LRBA: variants seen among roughly 807,000 people sequenced by gnomAD.
LRBA encodes lipopolysaccharide-responsive and beige-like anchor protein.
A neutral mutation model predicts 330.0 loss-of-function variants in LRBA; 176 were observed. The ratio of observed to expected loss-of-function variants is 0.53; its 90% confidence interval spans 0.47 to 0.60. LRBA has a LOEUF of 0.60. LRBA is among the 20% of genes least tolerant of loss of function. The probability of loss-of-function intolerance (pLI) is 0.00; values close to 1 mark genes in which losing one functional copy is unlikely to be tolerated. For synonymous variants in LRBA, 1,230 were observed against 1,193.0 expected (o/e 1.03, Z -0.64); for missense variants, 3,259 against 3,444.8 (o/e 0.95, Z 1.35).
In LRBA at chr4:150,377,977, A is replaced by AAT. The variant is rs1029468094; in HGVS notation, c.7195-27819_7195-27818insAT. ...CAGAGTGAGACTCTGTCTCAAAAAA[A>AAT]AAAAAAAAATGCCTTGTCCTTGTTG... On this transcript the variant is annotated intron_variant, in intron 47 of 56. Transcript: ENST00000651943. Among the ~76,000 whole-genome samples, 6 of 151,368 alleles carry AAT rather than the reference A, an allele frequency of 4.0e-5. No homozygotes were observed. The East Asian group carries it at 1.2e-3, about 30-fold the overall frequency.
chr4:150,836,295 A>T (rs527865878), intron 28 of LRBA, among the ~76,000 whole-genome samples: 2,170 of 152,214 alleles, frequency 0.014, 54 homozygotes, highest in African/African-American at 0.048. Context: ...GGCTTTGGTA[A>T]CAGGATGATG....
chr4:150,380,928 G>GCC (rs1433275357), intron 47 of LRBA, among the ~76,000 whole-genome samples: 1 of 141,796 alleles, frequency 7.1e-6, no homozygotes, highest in Non-Finnish European at 1.5e-5. Flanking sequence ...GTTGCAGTGA[G>GCC]CCAAGATTGC....
intron 47 of LRBA, among the ~76,000 whole-genome samples, chr4:150,360,870 C>A (rs549121152): frequency 2.0e-5 from 3 of 152,150 alleles, no homozygotes; most frequent in Non-Finnish European, 2.9e-5. Flanking sequence ...GTGGCAGCAT[C>A]TGAAAGACGG....
At chr4:151,004,538 CATTTAAT>C (rs1262898202) in intron 2 of LRBA, among the ~76,000 whole-genome samples, 1 of 152,152 alleles carries the variant, frequency 6.6e-6, no homozygotes, top group African/African-American at 2.4e-5. Flanking sequence ...TGAAATTTTA[CATTTAAT>C]ATTCTCAGAC....
At chr4:150,656,246 T>A (rs1780176323) in intron 37 of LRBA, among the ~76,000 whole-genome samples, 1 of 152,240 alleles carries the variant, frequency 6.6e-6, no homozygotes, top group Admixed American at 6.5e-5. Flanking sequence ...GTGAAAGGTC[T>A]AATTTTCATA....
chr4:150,322,983 T>C (rs1732728198), intron 49 of LRBA, among the ~76,000 whole-genome samples: 1 of 52,826 alleles, frequency 1.9e-5, no homozygotes, highest in Non-Finnish European at 5.2e-5. Context: ...TCTGCTATAT[T>C]TGTGTGTGTC....
chr4:150,581,822 A>G (rs1465358304), intron 40 of LRBA: 1 of 152,692 alleles, frequency 6.5e-6, no homozygotes, highest in Non-Finnish European at 1.5e-5. Flanking sequence ...CGGATTGGCT[A>G]AAGCACTGAC....
chr4:150,588,241 A>G (rs1369628059), intron 39 of LRBA, 57 bp from the exon 40 acceptor site: 1 of 1,526,330 alleles, frequency 6.6e-7, no homozygotes, highest in Non-Finnish European at 8.8e-7. Context: ...CAAAAAATCA[A>G]ATTCGACCAG....
chr4:150,791,754 C>T (rs1270480024), intron 34 of LRBA, among the ~76,000 whole-genome samples: 2 of 152,052 alleles, frequency 1.3e-5, no homozygotes, highest in Admixed American at 6.6e-5. Flanking sequence ...CTTGGCCGGG[C>T]GCGGTGGCTC....
chr4:150,816,147 G>A (rs561624690), intron 31 of LRBA, among the ~76,000 whole-genome samples: 19 of 151,982 alleles, frequency 1.3e-4, no homozygotes, highest in South Asian at 8.3e-4. Flanking sequence ...AATAAAGGTG[G>A]AACAGCAGAA....
chr4:150,567,615 T>C lies in LRBA; in HGVS notation c.6330+20433A>G, dbSNP rs531357381. Among the ~76,000 whole-genome samples the C allele has an allele frequency of 1.2e-4, 18 of 152,274 alleles. No homozygotes were observed. The South Asian group carries it at 2.3e-3, about 19-fold the overall frequency. Reference sequence around the variant, plus strand: ...TAGAATATAAGTCATTATAGATTTGTTGAGAGGATTATGACAATTAAAGTG... The same window carrying C: ...TAGAATATAAGTCATTATAGATTTGCTGAGAGGATTATGACAATTAAAGTG... On this transcript the variant is annotated intron_variant, in intron 40 of 56. Transcript: ENST00000651943.
intron 8 of LRBA, 24 bp from the exon 9 acceptor site, chr4:150,914,365 A>G (rs1560999065): frequency 6.8e-7 from 1 of 1,474,356 alleles, no homozygotes; most frequent in Non-Finnish European, 9.0e-7. Flanking sequence ...AAAAAAAGGA[A>G]TTAGGAAAAA....
At chr4:150,525,245 G>A (rs914866024) in intron 40 of LRBA, among the ~76,000 whole-genome samples, 5 of 151,520 alleles carry the variant, frequency 3.3e-5, no homozygotes, top group Non-Finnish European at 7.4e-5. Context: ...ATTATTTTAT[G>A]CTGTTCCTAT....
chr4:150,537,154 T>C (rs1229229575), intron 40 of LRBA, among the ~76,000 whole-genome samples: 10 of 152,076 alleles, frequency 6.6e-5, no homozygotes, highest in Admixed American at 5.9e-4. Flanking sequence ...TGGAACAGAA[T>C]AGACAATTCA....
At chr4:150,351,504 AC>A (rs1274602835) in intron 47 of LRBA, among the ~76,000 whole-genome samples, 1 of 152,122 alleles carries the variant, frequency 6.6e-6, no homozygotes, top group Non-Finnish European at 1.5e-5. Context: ...CCTGGCTAAC[AC>A]AGTGAAACCC....
rs767203510 is a variant in LRBA, at chr4:150,852,217, TTTC to T, written c.3490_3492del (p.Glu1164del). 6.2e-7 allele frequency: 1 copy of T among 1,614,132 alleles called. No individual in the cohort carries two copies. The highest frequency in any genetic ancestry group is 8.5e-7 in the Non-Finnish European group (1 of 1,180,006). On this transcript the variant is annotated inframe_deletion, in exon 23 of 57. Transcript: ENST00000651943. Reference sequence around the variant, plus strand: ...TCTTGAGTTTCAGTATCAGTTTGCTTTTCAGTAACAGGTTTTCCTTCTTGAAAT... The same window carrying T: ...TCTTGAGTTTCAGTATCAGTTTGCTTAGTAACAGGTTTTCCTTCTTGAAAT...
At chr4:150,350,368 G>C (rs1424787193) in intron 47 of LRBA, among the ~76,000 whole-genome samples, 1 of 152,154 alleles carries the variant, frequency 6.6e-6, no homozygotes, top group Non-Finnish European at 1.5e-5. Flanking sequence ...TCAGGAGTTT[G>C]AGACCAGCTT....
At chr4:150,892,800 G>C (rs1341235165) in intron 17 of LRBA, among the ~76,000 whole-genome samples, 3 of 151,874 alleles carry the variant, frequency 2.0e-5, no homozygotes, top group Admixed American at 6.6e-5. Flanking sequence ...CTCTATAATA[G>C]CACTCACCAT....
chr4:150,740,589 A>G (rs1731810618), intron 35 of LRBA, among the ~76,000 whole-genome samples: 1 of 151,452 alleles, frequency 6.6e-6, no homozygotes, highest in African/African-American at 2.4e-5. Flanking sequence ...CAAAATATGT[A>G]GGAAAAAGAA....
Sources: allele counts gnomAD v4.1 joint callset (sites outside exome capture counted in the v4.1 genomes callset), GRCh38; gene constraint gnomAD v4.1.1; transcripts MANE v1.5; gene names NCBI Gene and HGNC (gene_info 2026-07-23, HGNC 2026-07-21).